Variants in PRAG1 observed in about 807,000 individuals in gnomAD.
PRAG1 encodes inactive tyrosine-protein kinase PRAG1.
PRAG1 carries 110 observed loss-of-function variants against 95.6 expected under a neutral mutation model. The ratio of observed to expected loss-of-function variants is 1.15; its 90% CI spans 0.99 to 1.35. The LOEUF (loss-of-function observed/expected upper bound fraction) is 1.35. PRAG1 is among the 40% of genes most tolerant of loss of function. The probability of loss-of-function intolerance (pLI) is 0.00; values close to 1 mark genes in which losing one functional copy is unlikely to be tolerated. For missense variants in PRAG1, 2,554 were observed against 1,864.7 expected, an observed-to-expected ratio of 1.37 and a Z score of -6.81; for synonymous variants, 1,052 against 819.4, an observed-to-expected ratio of 1.28 and a Z score of -4.85.
chr8:8,337,935 G>A (rs1799043052), intron 4 of PRAG1, among the ~76,000 whole-genome samples: 1 of 152,090 alleles, frequency 6.6e-6, no homozygotes, highest in South Asian at 2.1e-4. Flanking sequence ...AAGCATGTCA[G>A]ACTGGTCTCA....
At chr8:8,364,249 A>G (rs1342790370) in intron 3 of PRAG1, among the ~76,000 whole-genome samples, 1 of 152,184 alleles carries the variant, frequency 6.6e-6, no homozygotes, top group African/African-American at 2.4e-5. Context: ...TTACTGTTTT[A>G]TGCTTCTCTG....
chr8:8,383,028 T>G (rs1317607579), intron 1 of PRAG1, among the ~76,000 whole-genome samples: 2 of 152,114 alleles, frequency 1.3e-5, no homozygotes, highest in Non-Finnish European at 2.9e-5. Context: ...TAAGGGTGAA[T>G]AGGTTCTCAT....
At chr8:8,332,310 C>A (rs1440729521) in intron 4 of PRAG1, among the ~76,000 whole-genome samples, 1 of 149,472 alleles carries the variant, frequency 6.7e-6, no homozygotes, top group Non-Finnish European at 1.5e-5. Context: ...TACAAGCACC[C>A]ACCATCACGC....
At chr8:8,330,653 C>T (rs138600092) in intron 4 of PRAG1, among the ~76,000 whole-genome samples, 26 of 152,236 alleles carry the variant, frequency 1.7e-4, no homozygotes, top group African/African-American at 6.3e-4. Context: ...GAATGAAGGG[C>T]GCAGAAGAAA....
chr8:8,382,515 G>A (rs2116952300), intron 1 of PRAG1, among the ~76,000 whole-genome samples: 1 of 152,294 alleles, frequency 6.6e-6, no homozygotes, highest in Middle Eastern at 3.4e-3. Context: ...CCACAATGCT[G>A]GGTGTTATAG....
chr8:8,322,560 A>G (rs569711072), intron 5 of PRAG1, among the ~76,000 whole-genome samples: 1 of 152,296 alleles, frequency 6.6e-6, no homozygotes, highest in South Asian at 2.1e-4. Context: ...AAATGAGTTC[A>G]GGCCATGATG....
At position 8,339,267 on chromosome 8, in the gene PRAG1, A is replaced by G. The variant is rs893643937; in HGVS notation, c.2320+211T>C. ...ACCATGTTGCCACGTCCACACTCTT[A>G]TAATTTGGAGAGGGCAATATGGATG... On this transcript the variant is annotated intron_variant, in intron 4 of 5. Transcript: ENST00000615670. 1.3e-5 allele frequency among the ~76,000 whole-genome samples: 2 copies of G among 152,216 alleles called. 1 individual carries two copies. Among genetic ancestry groups the G allele is most frequent in the African/African-American group, 4.8e-5 (2 of 41,454 alleles).
rs933336699 is a variant in PRAG1, at chr8:8,381,562, G to A, written c.186C>T (p.Pro62=). ...CTTCCAGGCGGCAGTTCTCAGGCCT[G>A]GGAGGCAGGCGCGGTGGAGGGGGCA... The part of the protein sequence containing the change: ...GSLPPPPRLP[P]RPENCRLEDE... Residue 62 remains proline (P), a synonymous_variant, in exon 2 of 6, where the codon CCC becomes CCT. Coordinates refer to ENST00000615670, the MANE Select transcript of PRAG1 (RefSeq NM_001080826.3). 1.9e-6 allele frequency: 3 copies of A among 1,614,210 alleles called. No individual in the cohort carries two copies. Among genetic ancestry groups the A allele is most frequent in the Admixed American group, 3.3e-5 (2 of 60,032 alleles).
chr8:8,346,763 A>T lies in PRAG1; in HGVS notation c.2163-7128T>A, dbSNP rs1027750670. Among the ~76,000 whole-genome samples the T allele has an allele frequency of 3.9e-5, 6 of 152,294 alleles. No homozygotes were observed. The South Asian group carries it at 1.2e-3, about 32-fold the overall frequency. The stretch of plus-strand genomic sequence containing the variant: ...CCATGGCTGTTAAAATCCTCATATG[A>T]CAGCAATATTCAAAGTGTGATTGAG... On this transcript the variant is annotated intron_variant, in intron 3 of 5. Coordinates refer to ENST00000615670, the MANE Select transcript of PRAG1 (RefSeq NM_001080826.3).
intron 3 of PRAG1, among the ~76,000 whole-genome samples, chr8:8,362,133 G>A (rs143711056): frequency 2.0e-4 from 30 of 152,066 alleles, no homozygotes; most frequent in Non-Finnish European, 3.5e-4. Flanking sequence ...CACTCACTTC[G>A]TCCTACCTGG....
chr8:8,337,143 T>C (rs1232383673), intron 4 of PRAG1, among the ~76,000 whole-genome samples: 1 of 152,230 alleles, frequency 6.6e-6, no homozygotes, highest in African/African-American at 2.4e-5. Flanking sequence ...TGGTATCTTT[T>C]GGCTTAATGT....
chr8:8,363,891 AG>A (rs1799923277), intron 3 of PRAG1, among the ~76,000 whole-genome samples: 1 of 152,222 alleles, frequency 6.6e-6, no homozygotes, highest in Non-Finnish European at 1.5e-5. Flanking sequence ...AGTCAATACC[AG>A]TATGAGGTTC....
In PRAG1 at chr8:8,381,524, T is replaced by C. The variant is rs1489529826; in HGVS notation, c.224A>G (p.Asn75Ser). ...TGTGGGCTTGGAGTAAGGTGAGCTG[T>C]TCACACCTTCATCTTCCAGGCGGCA... Reference protein sequence around the residue: ...ENCRLEDEGVNSSPYSKPTIA... With the variant: ...ENCRLEDEGVSSSPYSKPTIA... The change falls in exon 2 of 6, where the codon AAC becomes AGC. Residue 75 changes from asparagine to serine, a missense_variant. Physicochemically the swap from Asn to Ser is conservative, Grantham distance 46. Coordinates refer to ENST00000615670, the MANE Select transcript of PRAG1 (RefSeq NM_001080826.3). 2.2e-5 allele frequency: 35 copies of C among 1,614,192 alleles called. No homozygotes were observed. Among genetic ancestry groups the C allele is most frequent in the Non-Finnish European group, 3.0e-5 (35 of 1,180,030 alleles).
At chr8:8,366,967 C>T (rs1346579663) in intron 3 of PRAG1, among the ~76,000 whole-genome samples, 2 of 152,154 alleles carry the variant, frequency 1.3e-5, no homozygotes, top group African/African-American at 2.4e-5. Context: ...GCCACCGTGC[C>T]CAGCTACATC....
intron 3 of PRAG1, among the ~76,000 whole-genome samples, chr8:8,344,239 A>G (rs1003535383): frequency 1.3e-5 from 2 of 152,216 alleles, no homozygotes; most frequent in Admixed American, 1.3e-4. Flanking sequence ...CGGTGCTTCC[A>G]CAAAGGAATG....
chr8:8,328,916 C>T (rs10099374), intron 4 of PRAG1, among the ~76,000 whole-genome samples: 49,216 of 152,142 alleles, frequency 0.32, 8,321 homozygotes, highest in East Asian at 0.57. Flanking sequence ...TAAACAGTCT[C>T]ACCATAATAT....
chr8:8,343,697 G>A (rs989536163), intron 3 of PRAG1, among the ~76,000 whole-genome samples: 3 of 152,152 alleles, frequency 2.0e-5, no homozygotes, highest in Non-Finnish European at 4.4e-5. Flanking sequence ...TAGGCTCGTG[G>A]ACCATAAGGG....
intron 3 of PRAG1, among the ~76,000 whole-genome samples, chr8:8,357,388 A>AAAAAC (rs1326674208): frequency 2.0e-5 from 3 of 152,252 alleles, no homozygotes; most frequent in African/African-American, 4.8e-5. Context: ...AAATTTGTCA[A>AAAAAC]AAAACAAAAC....
At chr8:8,379,297 T>C (rs537062574) in intron 2 of PRAG1, among the ~76,000 whole-genome samples, 2 of 152,302 alleles carry the variant, frequency 1.3e-5, no homozygotes, top group East Asian at 1.9e-4. Context: ...GAGACAGAGA[T>C]GTGGACTGGT....
Sources: gnomAD v4.1 joint callset for allele counts (sites outside exome capture counted in the v4.1 genomes callset) on GRCh38, gnomAD v4.1.1 for gene constraint, MANE v1.5 for transcripts, NCBI Gene and HGNC (gene_info 2026-07-23, HGNC 2026-07-21) for gene names.